The following ARHGEF10 variants were observed in gnomAD, a reference collection of about 807,000 sequenced individuals.
ARHGEF10 encodes the protein Rho guanine nucleotide exchange factor (GEF) 10.
In ARHGEF10, 140 loss-of-function variants were observed where a neutral mutation model predicts 147.4. That is an observed-to-expected ratio of 0.95 (90% CI 0.83 to 1.09). ARHGEF10 has a LOEUF of 1.09. Among genes scored for constraint, ARHGEF10 ranks in the 50% least tolerant of loss-of-function variants. The pLI is 0.00. For synonymous variants in ARHGEF10, 902 were observed against 695.8 expected, an observed-to-expected ratio of 1.30 and a Z score of -4.67; for missense variants, 2,222 against 1,752.7, an observed-to-expected ratio of 1.27 and a Z score of -4.78.
At chr8:1,832,226 G>A (rs2091960391) in intron 1 of ARHGEF10, among the ~76,000 whole-genome samples, 1 of 80,632 alleles carries the variant, frequency 1.2e-5, no homozygotes, top group African/African-American at 7.2e-5. Context: ...TAGATGCCCG[G>A]AGGAGTTGCG....
intron 4 of ARHGEF10, among the ~76,000 whole-genome samples, chr8:1,863,789 C>G (rs1806351192): frequency 6.6e-6 from 1 of 152,108 alleles, no homozygotes; most frequent in Non-Finnish European, 1.5e-5. Flanking sequence ...ACCGTTCACC[C>G]TGGAGAGCCA....
intron 15 of ARHGEF10, among the ~76,000 whole-genome samples, chr8:1,902,021 G>T (rs949856452): frequency 1.3e-5 from 2 of 151,740 alleles, no homozygotes; most frequent in Non-Finnish European, 2.9e-5. Context: ...TGGGATATGT[G>T]TGCAGAATGT....
chr8:1,855,785 A>G (rs1805505796), intron 2 of ARHGEF10, among the ~76,000 whole-genome samples: 1 of 152,154 alleles, frequency 6.6e-6, no homozygotes, highest in Admixed American at 6.5e-5. Flanking sequence ...TTTTCTCCCC[A>G]AACGTGAATT....
In ARHGEF10 at chr8:1,928,420, G is replaced by A. The variant is rs200872223; in HGVS notation, c.2698-7G>A. 7.0e-4 allele frequency: 1,119 copies of A among 1,593,486 alleles called. 3 individuals carry two copies. The highest frequency in any genetic ancestry group is 8.7e-4 in the Non-Finnish European group (1,012 of 1,164,560). ...TTTTCTTCTTTCCTCCTAATTCTCT[G>A]ATTCAGATCGGAAGTTGCACCCATC... On this transcript the variant is annotated splice_polypyrimidine_tract_variant and splice_region_variant and intron_variant, in intron 23 of 28. Transcript: ENST00000349830.
intron 2 of ARHGEF10, among the ~76,000 whole-genome samples, chr8:1,851,641 G>A (rs1397031637): frequency 1.3e-5 from 2 of 152,164 alleles, no homozygotes; most frequent in Admixed American, 6.5e-5. Flanking sequence ...GGGTGGGCAC[G>A]TTGGCTCTTG....
At chr8:1,872,688 G>T (rs558289684) in intron 7 of ARHGEF10, among the ~76,000 whole-genome samples, 10 of 152,312 alleles carry the variant, frequency 6.6e-5, no homozygotes, top group African/African-American at 2.4e-4. Flanking sequence ...ATTAAAAACT[G>T]CTGATAGAAG....
At chr8:1,828,193 T>G (rs1044445226) in intron 1 of ARHGEF10, among the ~76,000 whole-genome samples, 6 of 152,234 alleles carry the variant, frequency 3.9e-5, no homozygotes, top group African/African-American at 7.2e-5. Context: ...TAGGTGTTGC[T>G]TCCGTGCTGA....
chr8:1,852,001 T>G (rs1178639761), intron 2 of ARHGEF10, among the ~76,000 whole-genome samples: 2 of 151,368 alleles, frequency 1.3e-5, no homozygotes, highest in East Asian at 3.9e-4. Flanking sequence ...GCCCTGTGGG[T>G]GTGGGGACGG....
At chr8:1,881,616 G>T (rs1808204294) in intron 9 of ARHGEF10, among the ~76,000 whole-genome samples, 2 of 152,138 alleles carry the variant, frequency 1.3e-5, no homozygotes, top group Admixed American at 6.5e-5. Flanking sequence ...GCTGGGGCAG[G>T]CGACGCGGGT....
At chr8:1,866,648 C>G (rs1806646715) in intron 6 of ARHGEF10, 46 bp downstream of exon 6, 2 of 1,566,680 alleles carry the variant, frequency 1.3e-6, no homozygotes, top group Admixed American at 1.7e-5. Flanking sequence ...CCACGCTCCA[C>G]AGACGTCACT....
intron 1 of ARHGEF10, among the ~76,000 whole-genome samples, chr8:1,824,974 T>C (rs868821958): frequency 0.026 from 111 of 4,348 alleles, no homozygotes; most frequent in South Asian, 0.039. Flanking sequence ...ACCTGTCCCC[T>C]CGCACCCCAC....
chr8:1,884,237 CAA>C (rs1394582273), intron 10 of ARHGEF10, among the ~76,000 whole-genome samples: 1 of 150,682 alleles, frequency 6.6e-6, no homozygotes, highest in Admixed American at 6.6e-5. Flanking sequence ...ACTAAAAATA[CAA>C]AAAAAAATTA....
rs141899578 is a variant in ARHGEF10, at chr8:1,862,268, G to A, written c.481+2084G>A. On this transcript the variant is annotated intron_variant, in intron 4 of 28. Transcript: ENST00000349830. ...TGGCTCTGCAGGGCTTCCCCGGGAC[G>A]TACAGCCCAGCCAGGATCCCCAGGC... is the stretch of plus-strand genomic sequence containing the variant. 1.1e-4 allele frequency among the ~76,000 whole-genome samples: 16 copies of A among 152,364 alleles called. No individual in the cohort carries two copies. In the East Asian group the frequency reaches 1.9e-3, roughly 18 times the overall value.
intron 1 of ARHGEF10, among the ~76,000 whole-genome samples, chr8:1,838,435 C>T (rs117280523): frequency 0.015 from 2,221 of 152,356 alleles, 88 homozygotes; most frequent in East Asian, 0.094. Context: ...CACAGCCACC[C>T]GGCACCCGCC....
chr8:1,954,600 G>A (rs1442023402), intron 28 of ARHGEF10, among the ~76,000 whole-genome samples: 1 of 152,212 alleles, frequency 6.6e-6, no homozygotes, highest in Non-Finnish European at 1.5e-5. Context: ...GAGGCCACCT[G>A]CCTGTGCCCA....
chr8:1,928,325 T>A (rs1812839110), intron 23 of ARHGEF10, 102 bp from the exon 24 acceptor site: 1 of 1,055,946 alleles, frequency 9.5e-7, no homozygotes, highest in African/African-American at 1.6e-5. Flanking sequence ...GATTCTCACA[T>A]GAAAATCGAA....
In ARHGEF10 at chr8:1,897,556, C is replaced by T. The variant is rs751092262; in HGVS notation, c.1558-877C>T. ...GGATCGCAGTTCCCCCTCTGGACAG[C>T]TGTGGGCTCTGTCCTAAGGCATCGG... On this transcript the variant is annotated intron_variant, in intron 14 of 28. Coordinates refer to ENST00000349830, the MANE Select transcript of ARHGEF10 (RefSeq NM_014629.4). Among the ~76,000 whole-genome samples the T allele has an allele frequency of 4.9e-4, 67 of 136,170 alleles. 1 individual carries two copies. Among genetic ancestry groups the T allele is most frequent in the East Asian group, 1.6e-3 (7 of 4,496 alleles). The allele number at this position is 136,170 out of a possible 152,430, so 89.3% of individuals were successfully genotyped here.
intron 9 of ARHGEF10, 93 bp downstream of exon 9, chr8:1,880,257 G>A (rs969496380): frequency 3.0e-5 from 26 of 869,666 alleles, no homozygotes; most frequent in South Asian, 1.3e-4. Flanking sequence ...TCTCAACAGC[G>A]GTTCTCAAAG....
chr8:1,912,368 A>G (rs945315328), intron 18 of ARHGEF10, among the ~76,000 whole-genome samples: 2 of 151,988 alleles, frequency 1.3e-5, no homozygotes, highest in African/African-American at 4.8e-5. Flanking sequence ...CGTCCCTGCA[A>G]AAGTGCTGTG....
Sources: gnomAD v4.1 joint callset for allele counts (sites outside exome capture counted in the v4.1 genomes callset) on GRCh38, gnomAD v4.1.1 for gene constraint, MANE v1.5 for transcripts, NCBI Gene and HGNC (gene_info 2026-07-23, HGNC 2026-07-21) for gene names.